IKZF4: variants seen among roughly 807,000 people sequenced by gnomAD.
IKZF4 encodes the protein zinc finger protein Eos.
In IKZF4, 11 loss-of-function variants were observed where a neutral mutation model predicts 47.7. The ratio of observed to expected loss-of-function variants is 0.23; its 90% CI spans 0.15 to 0.38. The LOEUF is 0.38. IKZF4 is among the 10% of genes least tolerant of loss of function. The pLI is 1.00. For missense variants in IKZF4, 557 were observed against 784.9 expected (o/e 0.71, Z 3.47); for synonymous variants, 298 against 299.4 (o/e 1.00, Z 0.05).
rs35485002 is a variant in IKZF4, at chr12:56,035,791, A to G, written c.*460A>G. 0.07 allele frequency: 10,986 copies of G among 156,236 alleles called. 428 individuals are homozygous for G. Among genetic ancestry groups the G allele is most frequent in the Non-Finnish European group, 0.08 (5,648 of 70,316 alleles). 9.7% of individuals were successfully genotyped at this position (156,236 alleles called of 1,614,324 possible). On this transcript the variant is annotated 3_prime_UTR_variant, in exon 8 of 8. Transcript: ENST00000547167. This position sits in a 1 kb window ranked among gnomAD's most constrained non-coding sequence, Gnocchi z 6.1. ...TAAGTCCTCACCCTTTACATTATCT[A>G]ATTCTTCAGTTTTGATGCTGATACC...
At chr12:56,023,034 C>T (rs1893325195) in intron 1 of IKZF4, among the ~76,000 whole-genome samples, 1 of 152,080 alleles carries the variant, frequency 6.6e-6, no homozygotes, top group South Asian at 2.1e-4. Context: ...CTCCTGACCT[C>T]GTGATCCGCC....
chr12:56,014,720 C>T (rs1190709068), intron 2 of IKZF4, among the ~76,000 whole-genome samples: 1 of 151,958 alleles, frequency 6.6e-6, no homozygotes, highest in Non-Finnish European at 1.5e-5. Flanking sequence ...CTGCTTGAAC[C>T]CGGGAGCCAA....
chr12:56,014,228 T>C (rs1891719952), intron 2 of IKZF4, among the ~76,000 whole-genome samples: 1 of 151,704 alleles, frequency 6.6e-6, no homozygotes, highest in African/African-American at 2.4e-5. Flanking sequence ...TAAGTACAGC[T>C]AAGTACTGAT....
intron 1 of IKZF4, among the ~76,000 whole-genome samples, chr12:56,022,583 C>G (rs557111876): frequency 6.6e-6 from 1 of 152,178 alleles, no homozygotes; most frequent in South Asian, 2.1e-4. Context: ...TCCTTGGTGC[C>G]CAAGAAAGCC....
At chr12:56,032,334 C>T (rs1895029327) in intron 5 of IKZF4, 1 of 493,992 alleles carries the variant, frequency 2.0e-6, no homozygotes, top group Non-Finnish European at 3.6e-6. Flanking sequence ...AGCCACATGC[C>T]CTAGGATTCC....
intron 6 of IKZF4, 28 bp downstream of exon 6, chr12:56,032,738 G>GT (rs1171144854): frequency 6.2e-7 from 1 of 1,613,026 alleles, no homozygotes; most frequent in East Asian, 2.2e-5. Context: ...CTACTGGGGA[G>GT]TTAAAAGGGG....
intron 4 of IKZF4, 31 bp downstream of exon 4, chr12:56,027,072 C>T (rs1894142505): frequency 6.8e-7 from 1 of 1,471,774 alleles, no homozygotes; most frequent in Non-Finnish European, 9.0e-7. Flanking sequence ...CTGGGAGGAG[C>T]TCCCAGGGTG....
chr12:56,018,754 C>A (rs979290582), upstream of IKZF4, among the ~76,000 whole-genome samples: 2 of 151,196 alleles, frequency 1.3e-5, no homozygotes, highest in Admixed American at 1.3e-4. Flanking sequence ...TTAAGAGATA[C>A]CAGAAATCCA....
chr12:56,030,033 G>C (rs1467090444), intron 5 of IKZF4, among the ~76,000 whole-genome samples: 1 of 152,164 alleles, frequency 6.6e-6, no homozygotes, highest in Non-Finnish European at 1.5e-5. Flanking sequence ...TCTCTGTGAA[G>C]TGCTTTCTGT....
chr12:56,034,557 C>T lies in IKZF4; in HGVS notation c.998-14C>T, dbSNP rs375731011. On this transcript the variant is annotated splice_polypyrimidine_tract_variant and intron_variant, in intron 7 of 7. Transcript: ENST00000547167. ...TCTCCAAACCCAGCCCTGCTGAGTT[C>T]CTGTTCTCCACAGGCGAAAAGCAGA... 236 of 1,584,768 alleles carry T rather than the reference C, an allele frequency of 1.5e-4. 1 individual carries two copies. The highest frequency in any genetic ancestry group is 1.8e-4 in the Non-Finnish European group (212 of 1,163,648).
At chr12:56,025,997 G>A (rs549344851) in intron 3 of IKZF4, among the ~76,000 whole-genome samples, 44 of 152,092 alleles carry the variant, frequency 2.9e-4, no homozygotes, top group African/African-American at 9.6e-4. Flanking sequence ...CTGCAGTGGC[G>A]TGATCTCAGC....
rs368386280 is a variant in IKZF4 at position 56,034,977 on chromosome 12, G to A, written c.1404G>A (p.Ala468=). ...DTESNHEDRV[A]GVVSLPQGPP... Reference sequence around the variant, plus strand: ...AAAGCAACCACGAAGATCGGGTTGCGGGGGTGGTATCCCTCCCTCAGGGTC... The same window carrying A: ...AAAGCAACCACGAAGATCGGGTTGCAGGGGTGGTATCCCTCCCTCAGGGTC... The change falls in exon 8 of 8, where the codon GCG becomes GCA. Residue 468 remains alanine (A), a synonymous_variant. Transcript: ENST00000547167. The A allele has an allele frequency of 1.5e-5, 24 of 1,560,408 alleles. No homozygotes were observed. Among genetic ancestry groups the A allele is most frequent in the East Asian group, 1.4e-4 (6 of 44,320 alleles).
intron 5 of IKZF4, among the ~76,000 whole-genome samples, chr12:56,031,489 GTGTTCATT>G (rs1351121511): frequency 6.6e-6 from 1 of 152,128 alleles, no homozygotes; most frequent in Non-Finnish European, 1.5e-5. Flanking sequence ...AGGGACCATG[GTGTTCATT>G]TCATCCCTAA....
intron 1 of IKZF4, among the ~76,000 whole-genome samples, chr12:56,022,184 T>C (rs1473505454): frequency 2.6e-5 from 4 of 152,202 alleles, no homozygotes; most frequent in South Asian, 4.1e-4. Context: ...TCCCTAGATG[T>C]AGCCACTATT....
At position 56,025,095 on chromosome 12, in the gene IKZF4, C is replaced by T. The variant is rs1407511650; in HGVS notation, c.223C>T (p.Pro75Ser). ...TCTGGAGAAGGAGTTCCTCGGGGCC[C>T]CAGTGGGGCCCTCGGTGAGCACCCC... ...SSLEKEFLGA[P>S]VGPSVSTPNS... The change falls in exon 3 of 8, where the codon CCA (proline) becomes TCA (serine). Residue 75 changes from proline (P) to serine (S), a missense_variant. Around this residue, in one of 6 missense-constraint regions of IKZF4, gnomAD observed 112 missense variants for 168.2 expected, o/e 0.67. Transcript: ENST00000547167. 1 of 1,602,548 alleles carries T rather than the reference C, an allele frequency of 6.2e-7. No homozygotes were observed. The highest frequency in any genetic ancestry group is 1.1e-5 in the South Asian group (1 of 88,782).
At chr12:56,016,163 G>C (rs1339133934), upstream of IKZF4, among the ~76,000 whole-genome samples, 2 of 151,480 alleles carry the variant, frequency 1.3e-5, no homozygotes, top group Non-Finnish European at 2.9e-5. Flanking sequence ...GAATTGGGTG[G>C]GGGTGGGGGG....
intron 3 of IKZF4, among the ~76,000 whole-genome samples, chr12:56,025,634 T>C (rs1893839425): frequency 2.0e-5 from 3 of 152,124 alleles, no homozygotes. Context: ...AGCCTTCTCC[T>C]CAATGGTTCC....
At chr12:56,028,480 C>T (rs1350858804) in intron 5 of IKZF4, among the ~76,000 whole-genome samples, 1 of 129,678 alleles carries the variant, frequency 7.7e-6, no homozygotes, top group Non-Finnish European at 1.5e-5. Context: ...TTGCAGTGAG[C>T]TGAGATCGCG....
chr12:56,021,327 A>T lies in IKZF4; in HGVS notation c.-167A>T. 6.5e-7 allele frequency: 1 copy of T among 1,534,162 alleles called. No individual in the cohort carries two copies. Among genetic ancestry groups the T allele is most frequent in the Non-Finnish European group, 8.7e-7 (1 of 1,144,910 alleles). ...ACACACACACACACACTCAACACAC[A>T]TACACCCTGGGCTGAGCTGCTCTTG... On this transcript the variant is annotated 5_prime_UTR_variant, in exon 1 of 8. Coordinates refer to ENST00000547167, the MANE Select transcript of IKZF4 (RefSeq NM_022465.4).
Sources: allele counts gnomAD v4.1 joint callset (sites outside exome capture counted in the v4.1 genomes callset), GRCh38; gene constraint gnomAD v4.1.1; regional missense constraint gnomAD v4.1.1; non-coding constraint Gnocchi (gnomAD v3.1); transcripts MANE v1.5; gene names NCBI Gene and HGNC (gene_info 2026-07-23, HGNC 2026-07-21).